The following FANCA variants were observed in gnomAD, a reference collection of about 807,000 sequenced individuals.
FANCA encodes the protein FA complementation group A, also known as Fanconi anemia group A protein.
A neutral mutation model predicts 194.3 loss-of-function variants in FANCA; 236 were observed. The observed-to-expected ratio is 1.21, with a 90% CI of 1.09 to 1.35. The LOEUF is 1.35. Among genes scored for constraint, FANCA ranks in the 40% most tolerant of loss-of-function variants. FANCA has a pLI of 0.00. For synonymous variants in FANCA, 1,014 were observed against 715.8 expected, an observed-to-expected ratio of 1.42 and a Z score of -6.65; for missense variants, 2,628 against 1,813.9, an observed-to-expected ratio of 1.45 and a Z score of -8.15.
chr16:89,791,023 G>GTT (rs11355118), intron 14 of FANCA: 290 of 94,758 alleles, frequency 3.1e-3, no homozygotes, highest in Middle Eastern at 6.3e-3. Context: ...GTGTGTGTGT[G>GTT]TTTTTTTTTT....
At chr16:89,777,825 CCT>C (rs1395707020) in intron 20 of FANCA, among the ~76,000 whole-genome samples, 1 of 151,992 alleles carries the variant, frequency 6.6e-6, no homozygotes, top group African/African-American at 2.4e-5. Flanking sequence ...CTTCAGTTCT[CCT>C]CTCTGCACAA....
Position 89,782,868 on chromosome 16 carries a change from G to C in FANCA, c.1617C>G (p.Asp539Glu), listed in dbSNP as rs1395112085. 1.2e-6 allele frequency: 2 copies of C among 1,613,946 alleles called. No homozygotes were observed. The highest frequency in any genetic ancestry group is 1.7e-6 in the Non-Finnish European group (2 of 1,179,804). Reference sequence around the variant, plus strand: ...GCTCAAGCAACATTACCTCAGTAATGTCCCCAGCTGATGACAAATCCTCGT... The same window carrying C: ...GCTCAAGCAACATTACCTCAGTAATCTCCCCAGCTGATGACAAATCCTCGT... ...GLYEDLSSAG[D>E]ITEPHSQALQ... is the part of the protein sequence containing the mutation. Residue 539 changes from aspartate (D) to glutamate (E), a missense_variant, in exon 17 of 43, where the codon GAC (aspartate) becomes GAG (glutamate). Asp to Glu is a conservative substitution (Grantham distance 45, BLOSUM62 2). Transcript: ENST00000389301.
chr16:89,765,937 G>C (rs978243127), intron 27 of FANCA, among the ~76,000 whole-genome samples: 1 of 152,114 alleles, frequency 6.6e-6, no homozygotes, highest in Admixed American at 6.5e-5. Context: ...GGAATCTATA[G>C]TTTCAAAAGC....
chr16:89,763,644 A>G (rs1195960144), intron 28 of FANCA, among the ~76,000 whole-genome samples: 1 of 152,006 alleles, frequency 6.6e-6, no homozygotes, highest in Non-Finnish European at 1.5e-5. Context: ...CATGTTTAAA[A>G]CAAGTTCCCA....
intron 7 of FANCA, among the ~76,000 whole-genome samples, chr16:89,803,611 G>T (rs1360641414): frequency 6.7e-6 from 1 of 149,570 alleles, no homozygotes; most frequent in Non-Finnish European, 1.5e-5. Context: ...CAAGTTTATA[G>T]TCAGATTTTT....
rs2143288626 is a variant in FANCA at position 89,764,959 on chromosome 16, C to T, written c.2709G>A (p.Trp903Ter). The change falls in exon 28 of 43, where the codon TGG becomes TGA. Residue 903 changes from tryptophan (W) to a stop codon, truncating the protein, a stop_gained. Transcript: ENST00000389301. LOFTEE classifies it high-confidence loss of function. ...TCCAGAGAGAGAGGGCAGCTCTCTG[C>T]CAGTCTGCAGAAGGAAGGTGCAAGG... ...WRPLHLPSAD[W>*]QRAALSLWTH... is the part of the protein sequence containing the mutation. 6.2e-7 allele frequency: 1 copy of T among 1,614,190 alleles called. No homozygotes were observed. The highest frequency in any genetic ancestry group is 8.5e-7 in the Non-Finnish European group (1 of 1,180,014).
In FANCA at chr16:89,816,531, A is replaced by T. The variant is rs1242535596; in HGVS notation, c.79+6T>A. 1 of 1,491,166 alleles carries T rather than the reference A, an allele frequency of 6.7e-7. No individual in the cohort carries two copies. Among genetic ancestry groups the T allele is most frequent in the Non-Finnish European group, 8.9e-7 (1 of 1,127,534 alleles). 92.4% of individuals were successfully genotyped at this position (1,491,166 alleles called of 1,614,324 possible). On this transcript the variant is annotated splice_donor_region_variant and intron_variant, in intron 1 of 42. Coordinates refer to ENST00000389301, the MANE Select transcript of FANCA (RefSeq NM_000135.4). Reference sequence around the variant, plus strand: ...CCCACTCCCGCGGCCTGCCGCGCCCACCTACCCAGCAGCTCGGCCCAGGCC... The same window carrying T: ...CCCACTCCCGCGGCCTGCCGCGCCCTCCTACCCAGCAGCTCGGCCCAGGCC...
chr16:89,765,941 C>G (rs1210274239), intron 27 of FANCA, among the ~76,000 whole-genome samples: 1 of 152,170 alleles, frequency 6.6e-6, no homozygotes, highest in African/African-American at 2.4e-5. Flanking sequence ...TCTATAGTTT[C>G]AAAAGCTTCT....
In FANCA at chr16:89,814,502, A is replaced by T. The variant is rs1266280397; in HGVS notation, c.283+18T>A. 3 of 1,547,254 alleles carry T rather than the reference A, an allele frequency of 1.9e-6. No homozygotes were observed. The highest frequency in any genetic ancestry group is 2.7e-6 in the Non-Finnish European group (3 of 1,120,028). On this transcript the variant is annotated intron_variant, in intron 3 of 42. Transcript: ENST00000389301. ...CCCTTCTGCAATTCAAAATAGAGAA[A>T]ATGAAGCTATAACTTACCTATAAAT...
intron 2 of FANCA, 27 bp from the exon 3 acceptor site, chr16:89,814,640 A>C: frequency 6.4e-7 from 1 of 1,565,776 alleles, no homozygotes; most frequent in Non-Finnish European, 8.8e-7. Context: ...AACAAACTCC[A>C]TTTAAAAAAT....
At position 89,808,347 on chromosome 16, in the gene FANCA, C is replaced by G. The variant is rs143314367; in HGVS notation, c.543G>C (p.Ala181=). 3 of 1,614,114 alleles carry G rather than the reference C, an allele frequency of 1.9e-6. No homozygotes were observed. Among genetic ancestry groups the G allele is most frequent in the Admixed American group, 1.7e-5 (1 of 59,994 alleles). ...WKIQSSLLLE[A]VWHLHVQGIV... is the part of the protein sequence containing the mutation. ...TGCCTTGTACGTGAAGATGCCACAC[C>G]GCTTCAAGCAACAAAGAACTCTGAA... The change falls in exon 6 of 43, where the codon GCG becomes GCC. Residue 181 remains alanine (A), a synonymous_variant. Transcript: ENST00000389301.
chr16:89,808,957 G>C (rs1261063615), intron 5 of FANCA, among the ~76,000 whole-genome samples: 1 of 151,574 alleles, frequency 6.6e-6, no homozygotes, highest in Non-Finnish European at 1.5e-5. Flanking sequence ...CCAGGCTGGA[G>C]TGCAGTGGCG....
intron 23 of FANCA, among the ~76,000 whole-genome samples, chr16:89,770,870 G>A (rs1291116585): frequency 2.6e-5 from 4 of 152,144 alleles, no homozygotes; most frequent in Non-Finnish European, 2.9e-5. Flanking sequence ...AGCAGCAGGC[G>A]GGACTGGCAA....
chr16:89,811,109 C>T (rs1598191170), intron 3 of FANCA, 38 bp from the exon 4 acceptor site: 3 of 1,613,082 alleles, frequency 1.9e-6, no homozygotes, highest in Non-Finnish European at 2.5e-6. Context: ...TCTCTTAACA[C>T]ATGAGACAAA....
At chr16:89,787,336 A>T (rs2143495351) in intron 14 of FANCA, among the ~76,000 whole-genome samples, 1 of 152,204 alleles carries the variant, frequency 6.6e-6, no homozygotes, top group South Asian at 2.1e-4. Context: ...ATCCTGGCTA[A>T]CCCGGTGAAA....
Position 89,791,520 on chromosome 16 carries a change from C to T in FANCA, c.1242G>A (p.Leu414=). The change falls in exon 14 of 43, where the codon TTG becomes TTA. Residue 414 remains leucine, a synonymous_variant. Coordinates refer to ENST00000389301, the MANE Select transcript of FANCA (RefSeq NM_000135.4). The part of the protein sequence containing the change: ...QQLLEDWVAR[L]MAQAFESCQL... ...GGCAGCTCTCGAATGCCTGGGCCAT[C>T]AAACGCGCCACCCAGTCTAGTTAAG... 2 of 1,614,138 alleles carry T rather than the reference C, an allele frequency of 1.2e-6. 1 individual carries two copies. Among genetic ancestry groups the T allele is most frequent in the Middle Eastern group, 3.3e-4 (2 of 6,060 alleles).
chr16:89,746,916 G>C, intron 33 of FANCA, 26 bp from the exon 34 acceptor site: 1 of 1,550,506 alleles, frequency 6.4e-7, no homozygotes. Context: ...AGGCAGGTAA[G>C]AAAAGCCCAC....
chr16:89,737,607 T>G lies in FANCA; in HGVS notation c.*994A>C. On this transcript the variant is annotated 3_prime_UTR_variant, in exon 43 of 43. Transcript: ENST00000389301. ...ACCATCCTGAAATGCACACAGCTGATGAAGCCACGTGACAGTGTATAAAGC... is the reference window on the plus strand; with the variant it reads ...ACCATCCTGAAATGCACACAGCTGAGGAAGCCACGTGACAGTGTATAAAGC... The G allele has an allele frequency of 9.9e-7, 1 of 1,012,626 alleles. No homozygotes were observed. The highest frequency in any genetic ancestry group is 1.4e-6 in the Non-Finnish European group (1 of 720,674). 62.7% of individuals were successfully genotyped at this position (1,012,626 alleles called of 1,614,324 possible). A position where few individuals can be genotyped will look rare whatever the true frequency, so the allele number is the denominator to read the frequency against.
chr16:89,809,686 C>G (rs1003392983), intron 5 of FANCA, among the ~76,000 whole-genome samples: 1 of 151,892 alleles, frequency 6.6e-6, no homozygotes, highest in African/African-American at 2.4e-5. Context: ...CCCGTCTCTA[C>G]TAAAAATACA....
Sources: allele counts gnomAD v4.1 joint callset (sites outside exome capture counted in the v4.1 genomes callset), GRCh38; gene constraint gnomAD v4.1.1; transcripts MANE v1.5; gene names NCBI Gene and HGNC (gene_info 2026-07-23, HGNC 2026-07-21).